The following NRG1 variants were observed in gnomAD, a reference collection of about 807,000 sequenced individuals.
NRG1 encodes the protein pro-neuregulin-1, membrane-bound isoform.
Under a neutral mutation model 63.8 loss-of-function variants are expected in NRG1, and 18 were observed. The observed-to-expected ratio is 0.28, with a 90% CI of 0.19 to 0.42. NRG1 has a LOEUF of 0.42. NRG1 is among the 10% of genes least tolerant of loss of function. The pLI, the probability that NRG1 is intolerant of heterozygous loss-of-function variation, is 1.00. For missense variants in NRG1, 762 were observed against 814.7 expected (o/e 0.94, Z 0.79); for synonymous variants, 302 against 301.3 (o/e 1.00, Z -0.02).
upstream of NRG1, among the ~76,000 whole-genome samples, chr8:32,545,885 T>C (rs1474709203): frequency 2.0e-5 from 3 of 152,272 alleles, no homozygotes; most frequent in South Asian, 2.1e-4. Context: ...TTCATCATCT[T>C]TCCTTAAAGT....
chr8:32,402,579 A>G (rs1813355861), intron 1 of NRG1, among the ~76,000 whole-genome samples: 1 of 152,118 alleles, frequency 6.6e-6, no homozygotes, highest in African/African-American at 2.4e-5. Context: ...TTAGTCACTC[A>G]GTAGCCCTCT....
chr8:32,175,614 G>A (rs558741475), intron 1 of NRG1, among the ~76,000 whole-genome samples: 4 of 152,182 alleles, frequency 2.6e-5, no homozygotes, highest in Non-Finnish European at 5.9e-5. Flanking sequence ...TCCTTAAGCT[G>A]ATAGGCAACT....
At chr8:31,979,199 T>A (rs1351817138) in intron 1 of NRG1, among the ~76,000 whole-genome samples, 1 of 152,154 alleles carries the variant, frequency 6.6e-6, no homozygotes, top group Non-Finnish European at 1.5e-5. Context: ...TTTGTACAAC[T>A]GGCCCAGGAA....
chr8:32,737,452 G>A (rs1428058359), intron 6 of NRG1, among the ~76,000 whole-genome samples: 2 of 152,042 alleles, frequency 1.3e-5, no homozygotes, highest in Admixed American at 1.3e-4. Flanking sequence ...TTGGGAGACT[G>A]AGGCAGGAGA....
intron 1 of NRG1, among the ~76,000 whole-genome samples, chr8:32,485,154 G>A (rs1825758873): frequency 7.1e-6 from 1 of 141,138 alleles, no homozygotes; most frequent in Non-Finnish European, 1.5e-5. Context: ...CACTCTTGTT[G>A]CCTAGGCTGG....
chr8:32,025,088 T>C (rs560016223), intron 1 of NRG1, among the ~76,000 whole-genome samples: 1 of 152,308 alleles, frequency 6.6e-6, no homozygotes, highest in African/African-American at 2.4e-5. Flanking sequence ...ATTTCTCTGG[T>C]GAGATCAAGG....
chr8:32,681,589 A>AGCATCATTAATT (rs1166139667), intron 5 of NRG1, among the ~76,000 whole-genome samples: 1 of 152,186 alleles, frequency 6.6e-6, no homozygotes, highest in Non-Finnish European at 1.5e-5. Context: ...CATCTTTTAC[A>AGCATCATTAATT]CAGTGATGAA....
At chr8:32,314,234 C>T (rs1857125324) in intron 1 of NRG1, among the ~76,000 whole-genome samples, 1 of 151,976 alleles carries the variant, frequency 6.6e-6, no homozygotes, top group Admixed American at 6.6e-5. Context: ...CAGGATGGCT[C>T]TTTGGAAAGA....
Position 32,261,683 on chromosome 8 carries a change from C to G in NRG1, c.38-334145C>G, listed in dbSNP as rs1049516860. Among the ~76,000 whole-genome samples, 3 of 152,220 alleles carry G rather than the reference C, an allele frequency of 2.0e-5. No individual in the cohort carries two copies. The East Asian group carries it at 5.8e-4, about 29-fold the overall frequency. The stretch of plus-strand genomic sequence containing the variant: ...GCGCTTTTAACACCTCCACTCCCCC[C>G]TTGTATTGGACGGTAAAGGCCAGAA... On this transcript the variant is annotated intron_variant, in intron 1 of 10. Transcript: ENST00000519301.
At position 32,703,408 on chromosome 8, in the gene NRG1, C is replaced by T. The variant is rs148504270; in HGVS notation, c.503-24541C>T. 5.4e-3 allele frequency among the ~76,000 whole-genome samples: 745 copies of T among 136,758 alleles called. 7 individuals are homozygous for T. The highest frequency in any genetic ancestry group is 0.019 in the African/African-American group (704 of 36,722). 89.7% of individuals were successfully genotyped at this position (136,758 alleles called of 152,430 possible). On this transcript the variant is annotated intron_variant, in intron 5 of 11. Coordinates refer to ENST00000356819, the Ensembl canonical transcript of NRG1. ...TAGTCCTATGATATTGTAGAGATAT[C>T]TCACTAATGATGTTTTTTTTTTTTT...
intron 1 of NRG1, among the ~76,000 whole-genome samples, chr8:32,002,373 TATTA>T (rs1813074878): frequency 6.6e-6 from 1 of 152,058 alleles, no homozygotes; most frequent in Non-Finnish European, 1.5e-5. Context: ...TTTATTTATT[TATTA>T]ATTCATTTAT....
At chr8:32,511,747 A>G (rs371416456) in intron 1 of NRG1, among the ~76,000 whole-genome samples, 18 of 152,152 alleles carry the variant, frequency 1.2e-4, no homozygotes, top group East Asian at 7.7e-4. Flanking sequence ...CTCTTTATTA[A>G]TATAAATATA....
At chr8:32,100,722 G>A (rs913098712) in intron 1 of NRG1, among the ~76,000 whole-genome samples, 3 of 152,042 alleles carry the variant, frequency 2.0e-5, no homozygotes, top group East Asian at 1.9e-4. Context: ...GGCCATTGAC[G>A]GGAGAACAAA....
At chr8:31,911,933 C>G (rs1832976540) in intron 1 of NRG1, among the ~76,000 whole-genome samples, 1 of 152,180 alleles carries the variant, frequency 6.6e-6, no homozygotes, top group African/African-American at 2.4e-5. Context: ...AACTAAGAAT[C>G]AGAGACTTGG....
At chr8:31,964,977 AC>A (rs1370689583) in intron 1 of NRG1, among the ~76,000 whole-genome samples, 3 of 152,178 alleles carry the variant, frequency 2.0e-5, no homozygotes, top group Non-Finnish European at 4.4e-5. Context: ...GACAAAAAGT[AC>A]ACAAGACAAA....
intron 1 of NRG1, among the ~76,000 whole-genome samples, chr8:32,283,983 G>A (rs1177708674): frequency 6.6e-6 from 1 of 152,154 alleles, no homozygotes; most frequent in African/African-American, 2.4e-5. Context: ...AAGGATGTGT[G>A]GAGGACCTGG....
chr8:32,432,338 C>T (rs927321668), intron 1 of NRG1, among the ~76,000 whole-genome samples: 1 of 151,970 alleles, frequency 6.6e-6, no homozygotes, highest in Non-Finnish European at 1.5e-5. Flanking sequence ...CTCTCAACTC[C>T]CTATAAAGTA....
At chr8:32,298,732 A>AAAAG (rs1563286253) in intron 1 of NRG1, among the ~76,000 whole-genome samples, 4 of 110,868 alleles carry the variant, frequency 3.6e-5, no homozygotes, top group African/African-American at 1.4e-4. Flanking sequence ...AAAAAAAAAG[A>AAAAG]AAAGAAAAGA....
chr8:32,249,495 G>A (rs555463233), intron 1 of NRG1, among the ~76,000 whole-genome samples: 6 of 152,174 alleles, frequency 3.9e-5, no homozygotes, highest in South Asian at 2.1e-4. Flanking sequence ...ACAGAAAAGC[G>A]TAGCAAACCA....
Sources: gnomAD v4.1 joint callset for allele counts (sites outside exome capture counted in the v4.1 genomes callset) on GRCh38, gnomAD v4.1.1 for gene constraint, MANE v1.5 for transcripts, NCBI Gene and HGNC (gene_info 2026-07-23, HGNC 2026-07-21) for gene names.